Variants in PTPRD observed in about 807,000 individuals in gnomAD.
The protein encoded by PTPRD is receptor-type tyrosine-protein phosphatase delta.
In PTPRD, 34 loss-of-function variants were observed where a neutral mutation model predicts 214.5. The ratio of observed to expected loss-of-function variants is 0.16; its 90% CI spans 0.12 to 0.21. PTPRD has a LOEUF of 0.21. PTPRD is among the 10% of genes least tolerant of loss of function. The pLI is 1.00. For synonymous variants in PTPRD, 1,128 were observed against 845.7 expected, an observed-to-expected ratio of 1.33 and a Z score of -5.79; for missense variants, 2,545 against 2,398.7, an observed-to-expected ratio of 1.06 and a Z score of -1.27.
intron 6 of PTPRD, among the ~76,000 whole-genome samples, chr9:9,754,747 A>G (rs965658544): frequency 6.6e-6 from 1 of 152,044 alleles, no homozygotes; most frequent in Non-Finnish European, 1.5e-5. Context: ...AAGTTTATGT[A>G]AAGTAGATTG....
intron 3 of PTPRD, among the ~76,000 whole-genome samples, chr9:10,184,665 C>G (rs1247318502): frequency 6.6e-6 from 1 of 152,186 alleles, no homozygotes; most frequent in Non-Finnish European, 1.5e-5. Context: ...CCATCATACT[C>G]TTAGTTCCTT....
chr9:10,437,723 A>G (rs112140869), intron 2 of PTPRD, among the ~76,000 whole-genome samples: 7 of 151,678 alleles, frequency 4.6e-5, no homozygotes, highest in African/African-American at 1.7e-4. Context: ...ACATGGTTCT[A>G]TCTTCAAAAA....
intron 3 of PTPRD, among the ~76,000 whole-genome samples, chr9:10,216,874 T>A (rs1055589554): frequency 1.3e-5 from 2 of 151,996 alleles, no homozygotes; most frequent in Non-Finnish European, 2.9e-5. Context: ...GAGTCTTTCA[T>A]ATATTCAATT....
At chr9:10,154,796 A>T (rs118016545) in intron 3 of PTPRD, among the ~76,000 whole-genome samples, 1 of 151,780 alleles carries the variant, frequency 6.6e-6, no homozygotes, top group African/African-American at 2.4e-5. Context: ...ATACTGTTTC[A>T]TTGGTCTATA....
At chr9:9,689,573 T>C (rs780015970) in intron 7 of PTPRD, among the ~76,000 whole-genome samples, 4 of 151,882 alleles carry the variant, frequency 2.6e-5, no homozygotes, top group Admixed American at 1.3e-4. Flanking sequence ...GATTTATCGA[T>C]ACTAGGACTT....
intron 10 of PTPRD, among the ~76,000 whole-genome samples, chr9:9,058,279 CA>C (rs995679219): frequency 1.7e-4 from 26 of 151,878 alleles, no homozygotes; most frequent in Non-Finnish European, 2.9e-4. Context: ...GTGTCTTATG[CA>C]ATGTCACAAC....
At chr9:10,176,811 A>G (rs1344526421) in intron 3 of PTPRD, among the ~76,000 whole-genome samples, 1 of 152,044 alleles carries the variant, frequency 6.6e-6, no homozygotes, top group African/African-American at 2.4e-5. Flanking sequence ...AAAAGTTAAC[A>G]TAATGCACCA....
intron 14 of PTPRD, among the ~76,000 whole-genome samples, chr9:8,547,320 C>A (rs2080474913): frequency 6.6e-6 from 1 of 151,974 alleles, no homozygotes; most frequent in African/African-American, 2.4e-5. Context: ...TAAACACTAA[C>A]TTAAAGGAAA....
In PTPRD at chr9:8,315,917, T is replaced by C. The variant is rs1821430393; in HGVS notation, c.*1957A>G. 9.0e-6 allele frequency: 2 copies of C among 221,030 alleles called. No individual in the cohort carries two copies. The highest frequency in any genetic ancestry group is 1.8e-5 in the Non-Finnish European group (2 of 113,214). The allele number at this position is 221,030 out of a possible 1,614,324, so 13.7% of individuals were successfully genotyped here. A position where few individuals can be genotyped will look rare whatever the true frequency, so the allele number is the denominator to read the frequency against. ...CCATGGCTTCCTATAGAAATTCTGT[T>C]GGAAGAATTGGGGGTAAGATACATA... On this transcript the variant is annotated 3_prime_UTR_variant, in exon 46 of 46. Transcript: ENST00000381196.
intron 2 of PTPRD, among the ~76,000 whole-genome samples, chr9:10,413,580 G>A (rs957548670): frequency 6.6e-6 from 1 of 151,740 alleles, no homozygotes; most frequent in Non-Finnish European, 1.5e-5. Context: ...ATTACCAATG[G>A]CATTCTTCAA....
At chr9:8,345,956 A>T (rs548894728) in intron 39 of PTPRD, among the ~76,000 whole-genome samples, 34 of 152,088 alleles carry the variant, frequency 2.2e-4, no homozygotes, top group Non-Finnish European at 4.6e-4. Flanking sequence ...TCTTTCTCTC[A>T]GTAGTAGTCT....
chr9:8,629,492 C>T (rs1348762960), intron 14 of PTPRD, among the ~76,000 whole-genome samples: 1 of 151,778 alleles, frequency 6.6e-6, no homozygotes, highest in East Asian at 1.9e-4. Flanking sequence ...ATGACAATCC[C>T]TGTTCTTACA....
chr9:9,186,430 T>C (rs1378451725), intron 9 of PTPRD, among the ~76,000 whole-genome samples: 4 of 152,038 alleles, frequency 2.6e-5, no homozygotes, highest in African/African-American at 9.7e-5. Flanking sequence ...GGCAACATCA[T>C]AAGATCCCAT....
At chr9:9,279,223 C>T (rs564408463) in intron 9 of PTPRD, among the ~76,000 whole-genome samples, 70 of 149,880 alleles carry the variant, frequency 4.7e-4, no homozygotes, top group African/African-American at 1.6e-3. Context: ...TCCAGATATA[C>T]ATATATGCAT....
chr9:10,412,915 C>A (rs1188810630), intron 2 of PTPRD, among the ~76,000 whole-genome samples: 2 of 151,830 alleles, frequency 1.3e-5, no homozygotes, highest in Admixed American at 1.3e-4. Flanking sequence ...TTCAACATCC[C>A]TTCATGTTAA....
intron 2 of PTPRD, among the ~76,000 whole-genome samples, chr9:10,451,131 T>C (rs938741706): frequency 6.6e-6 from 1 of 151,954 alleles, no homozygotes; most frequent in African/African-American, 2.4e-5. Context: ...TTTTGATATT[T>C]CTGATTAGTT....
chr9:10,141,623 T>C (rs558108791), intron 3 of PTPRD, among the ~76,000 whole-genome samples: 13 of 150,972 alleles, frequency 8.6e-5, no homozygotes, highest in African/African-American at 2.5e-4. Flanking sequence ...AATGGAAGAA[T>C]ATTCCATGCT....
At chr9:9,942,516 T>C (rs1437662699) in intron 4 of PTPRD, among the ~76,000 whole-genome samples, 1 of 152,160 alleles carries the variant, frequency 6.6e-6, no homozygotes, top group Non-Finnish European at 1.5e-5. Flanking sequence ...TATAAGTATG[T>C]GTAGGAAGGT....
chr9:9,950,767 A>AAAAAAG (rs2093378982), intron 4 of PTPRD, among the ~76,000 whole-genome samples: 1 of 144,938 alleles, frequency 6.9e-6, no homozygotes, highest in Non-Finnish European at 1.5e-5. Flanking sequence ...AAAAGAAGAA[A>AAAAAAG]GTGGAAGATC....
Sources: gnomAD v4.1 joint callset for allele counts (sites outside exome capture counted in the v4.1 genomes callset) on GRCh38, gnomAD v4.1.1 for gene constraint, MANE v1.5 for transcripts, NCBI Gene and HGNC (gene_info 2026-07-23, HGNC 2026-07-21) for gene names.